The following HDGF variants were observed in gnomAD, a reference collection of about 807,000 sequenced individuals.
The protein encoded by HDGF is heparin binding growth factor, also known as hepatoma-derived growth factor.
In HDGF, 5 loss-of-function variants were observed where a neutral mutation model predicts 30.0. The observed-to-expected ratio is 0.17, with a 90% CI of 0.09 to 0.35. The LOEUF is 0.35. Among genes scored for constraint, HDGF ranks in the 10% least tolerant of loss-of-function variants. The probability of loss-of-function intolerance (pLI) is 1.00; values close to 1 mark genes in which losing one functional copy is unlikely to be tolerated. For synonymous variants in HDGF, 133 were observed against 112.7 expected (o/e 1.18, Z -1.14); for missense variants, 214 against 302.8 (o/e 0.71, Z 2.18).
upstream of HDGF, chr1:156,752,590 A>T: frequency 1.8e-6 from 1 of 561,354 alleles, no homozygotes; most frequent in Non-Finnish European, 3.2e-6. Context: ...TGGGCATTAA[A>T]GAATGAGTAG....
At chr1:156,763,155 C>A (rs1156744786) in intron 1 of HDGF, among the ~76,000 whole-genome samples, 1 of 151,816 alleles carries the variant, frequency 6.6e-6, no homozygotes, top group Non-Finnish European at 1.5e-5. Context: ...AATCTCTTTA[C>A]TGATGTTTCA....
chr1:156,747,525 A>G (rs934536663), intron 1 of HDGF: 7 of 151,952 alleles, frequency 4.6e-5, no homozygotes, highest in Non-Finnish European at 1.5e-5. Flanking sequence ...AGGGGGAAGC[A>G]AAAAACAAAA....
Position 156,744,009 on chromosome 1 carries a change from C to T in HDGF, c.490-131G>A, listed in dbSNP as rs1000713410. The T allele has an allele frequency of 3.8e-6, 4 of 1,051,220 alleles. No individual in the cohort carries two copies. The Admixed American group carries it at 5.2e-5, about 14-fold the overall frequency. 65.1% of individuals were successfully genotyped at this position (1,051,220 alleles called of 1,614,324 possible). The stretch of plus-strand genomic sequence containing the variant: ...TCCCCAACCCTACTAGCTGAAATGC[C>T]TTCTGTGTCCCATCTGGTCAGCTGG... On this transcript the variant is annotated intron_variant, in intron 4 of 5. Transcript: ENST00000357325.
chr1:156,750,216 C>T (rs186861520), intron 1 of HDGF, among the ~76,000 whole-genome samples: 1 of 152,230 alleles, frequency 6.6e-6, no homozygotes, highest in African/African-American at 2.4e-5. Flanking sequence ...GATATGCAGT[C>T]CTTCTGCCCT....
At chr1:156,762,141 T>G (rs1028185021) in intron 1 of HDGF, among the ~76,000 whole-genome samples, 23 of 147,904 alleles carry the variant, frequency 1.6e-4, no homozygotes, top group Non-Finnish European at 3.3e-4. Flanking sequence ...GATCTTGAAT[T>G]AAGGGAAAAA....
chr1:156,765,252 C>T (rs1651334238), intron 1 of HDGF, among the ~76,000 whole-genome samples: 1 of 151,190 alleles, frequency 6.6e-6, no homozygotes, highest in African/African-American at 2.4e-5. Flanking sequence ...GCCACCGCAC[C>T]CGGCTAATTT....
rs1211278550 is a variant in HDGF, at chr1:156,751,052, C to A, written c.87+291G>T. 6.6e-6 allele frequency among the ~76,000 whole-genome samples: 1 copy of A among 152,034 alleles called. No homozygotes were observed. The highest frequency in any genetic ancestry group is 1.5e-5 in the Non-Finnish European group (1 of 67,992). ...GGGAGTATGGGGGCTGGGGGCGGAA[C>A]TGAGCACGCGGAGCTGGGGGCCGGG... On this transcript the variant is annotated intron_variant, in intron 1 of 5. Transcript: ENST00000357325. This position sits in a 1 kb window ranked among gnomAD's most constrained non-coding sequence, Gnocchi z 4.7.
chr1:156,748,503 C>G (rs183741878), intron 1 of HDGF, among the ~76,000 whole-genome samples: 1 of 152,168 alleles, frequency 6.6e-6, no homozygotes, highest in Non-Finnish European at 1.5e-5. Context: ...TAGGGGAACT[C>G]GGCTACCTCT....
chr1:156,756,158 G>A (rs1241242293), upstream of HDGF, among the ~76,000 whole-genome samples: 1 of 152,112 alleles, frequency 6.6e-6, no homozygotes, highest in East Asian at 1.9e-4. Flanking sequence ...AGGCTGAGGT[G>A]GGAGAATCGC....
intron 1 of HDGF, among the ~76,000 whole-genome samples, chr1:156,761,851 G>A (rs563192617): frequency 6.7e-6 from 1 of 150,292 alleles, no homozygotes; most frequent in African/African-American, 2.5e-5. Context: ...GGAGGCTGAG[G>A]CAGGAGAATC....
chr1:156,744,376 G>A (rs1416966710), intron 3 of HDGF, 28 bp from the exon 4 acceptor site: 3 of 1,611,994 alleles, frequency 1.9e-6, no homozygotes, highest in Middle Eastern at 1.6e-4. Flanking sequence ...CAGGCTGAGT[G>A]GCACCAGTCG....
upstream of HDGF, chr1:156,752,399 G>C: frequency 2.6e-6 from 4 of 1,541,766 alleles, no homozygotes; most frequent in Non-Finnish European, 3.5e-6. Flanking sequence ...TCTTGCCAAG[G>C]AGACTTGGAC....
intron 1 of HDGF, among the ~76,000 whole-genome samples, chr1:156,748,935 C>G (rs1296382967): frequency 2.0e-5 from 3 of 152,160 alleles, no homozygotes; most frequent in Non-Finnish European, 4.4e-5. Flanking sequence ...GTCCTGGCTG[C>G]CCAGGTTTTC....
At chr1:156,747,179 A>G (rs1650614651) in intron 1 of HDGF, among the ~76,000 whole-genome samples, 1 of 137,302 alleles carries the variant, frequency 7.3e-6, no homozygotes, top group Admixed American at 7.8e-5. Flanking sequence ...CCCCATCGCC[A>G]TGACAACGCA....
chr1:156,752,066 G>A (rs1651021750), upstream of HDGF: 1 of 1,551,556 alleles, frequency 6.4e-7, no homozygotes, highest in African/African-American at 1.4e-5. Context: ...GTTAAGTGTG[G>A]ACGTCTGTAC....
At position 156,745,277 on chromosome 1, in the gene HDGF, C is replaced by T. The variant is rs764097512; in HGVS notation, c.164+20G>A. ...CCTCCCGGGGCCCTCCCGACCTATA[C>T]CCCTTTGGCCTCCACTCACGTCTCG... On this transcript the variant is annotated intron_variant, in intron 2 of 5. Coordinates refer to ENST00000357325, the MANE Select transcript of HDGF (RefSeq NM_004494.3). The T allele has an allele frequency of 1.2e-6, 2 of 1,613,036 alleles. No homozygotes were observed. Among genetic ancestry groups the T allele is most frequent in the African/African-American group, 1.3e-5 (1 of 74,800 alleles).
upstream of HDGF, among the ~76,000 whole-genome samples, chr1:156,754,110 T>A (rs1177654202): frequency 6.6e-6 from 1 of 152,128 alleles, no homozygotes; most frequent in Admixed American, 6.5e-5. Flanking sequence ...GAGACGGGGT[T>A]TCACCATGTT....
At chr1:156,751,880 A>T, upstream of HDGF, 1 of 947,548 alleles carries the variant, frequency 1.1e-6, no homozygotes, top group East Asian at 3.1e-5. This position sits in a 1 kb window ranked among gnomAD's most constrained non-coding sequence, Gnocchi z 4.7. Flanking sequence ...GAGCCGCCTG[A>T]CGGCGCGTGG....
At chr1:156,765,114 C>T (rs1445175423) in intron 1 of HDGF, among the ~76,000 whole-genome samples, 2 of 135,198 alleles carry the variant, frequency 1.5e-5, no homozygotes, top group Non-Finnish European at 3.1e-5. Flanking sequence ...TTTTTTGAGA[C>T]GGAGTTTCAC....
Sources: gnomAD v4.1 joint callset for allele counts (sites outside exome capture counted in the v4.1 genomes callset) on GRCh38, gnomAD v4.1.1 for gene constraint, Gnocchi (gnomAD v3.1) non-coding constraint, MANE v1.5 for transcripts, NCBI Gene and HGNC (gene_info 2026-07-23, HGNC 2026-07-21) for gene names.